Variants in MEF2D observed in about 807,000 individuals in gnomAD.
The protein encoded by MEF2D is myocyte-specific enhancer factor 2D.
Under a neutral mutation model 59.3 loss-of-function variants are expected in MEF2D, and 10 were observed. That is an observed-to-expected ratio of 0.17 (90% confidence interval 0.10 to 0.29). The LOEUF is 0.29. Among genes scored for constraint, MEF2D ranks in the 10% least tolerant of loss-of-function variants. The pLI is 1.00. For synonymous variants in MEF2D, 305 were observed against 295.0 expected, an observed-to-expected ratio of 1.03 and a Z score of -0.35; for missense variants, 508 against 699.4, an observed-to-expected ratio of 0.73 and a Z score of 3.09.
rs779245794 is a variant in MEF2D, at chr1:156,483,309, C to A, written c.-17G>T. On this transcript the variant is annotated 5_prime_UTR_variant, in exon 2 of 12. Transcript: ENST00000348159. ...CCTCCCCATCTTCTCCGGGGGTCCT[C>A]AGTGCTACGGAGGGGAGGGGCTCGC... The A allele has an allele frequency of 8.7e-6, 14 of 1,613,974 alleles. No individual in the cohort carries two copies. The South Asian group carries it at 1.5e-4, about 18-fold the overall frequency.
intron 1 of MEF2D, among the ~76,000 whole-genome samples, chr1:156,494,439 A>T (rs1236332316): frequency 6.6e-6 from 1 of 152,112 alleles, no homozygotes; most frequent in Non-Finnish European, 1.5e-5. Flanking sequence ...CGTGGGGCTA[A>T]GTGTGGAGGA....
chr1:156,471,769 A>G (rs1368129701), intron 9 of MEF2D, among the ~76,000 whole-genome samples: 1 of 152,256 alleles, frequency 6.6e-6, no homozygotes, highest in Non-Finnish European at 1.5e-5. Context: ...TAAACAGTGA[A>G]CAACTAAACA....
chr1:156,473,267 A>T (rs1367552096), intron 9 of MEF2D, among the ~76,000 whole-genome samples: 1 of 151,276 alleles, frequency 6.6e-6, no homozygotes, highest in African/African-American at 2.4e-5. Flanking sequence ...CTCCTGCCTC[A>T]GCCTCCCAAA....
intron 7 of MEF2D, among the ~76,000 whole-genome samples, 196 bp from the exon 8 acceptor site, chr1:156,476,710 A>G (rs1478897054): frequency 6.6e-6 from 1 of 152,162 alleles, no homozygotes; most frequent in Admixed American, 6.6e-5. Flanking sequence ...CAGTGAGGAA[A>G]TGCTCACCAT....
chr1:156,474,930 T>C (rs1671467447), intron 9 of MEF2D, among the ~76,000 whole-genome samples, 178 bp downstream of exon 9: 1 of 152,276 alleles, frequency 6.6e-6, no homozygotes, highest in African/African-American at 2.4e-5. Context: ...AAATTCAAAT[T>C]TAAAAGCATT....
chr1:156,484,588 A>C (rs563734547), intron 1 of MEF2D, among the ~76,000 whole-genome samples: 1 of 152,340 alleles, frequency 6.6e-6, no homozygotes, highest in Admixed American at 6.5e-5. Context: ...GAGAAAATAC[A>C]GGAACAAATG....
At chr1:156,477,610 TA>T (rs1468864214) in intron 6 of MEF2D, among the ~76,000 whole-genome samples, 1 of 152,154 alleles carries the variant, frequency 6.6e-6, no homozygotes, top group East Asian at 1.9e-4. Context: ...TCCCACAGTC[TA>T]CCCCGGACAG....
At chr1:156,482,716 T>TG in intron 2 of MEF2D, 76 bp from the exon 3 acceptor site, 1 of 1,373,070 alleles carries the variant, frequency 7.3e-7, no homozygotes, top group Non-Finnish European at 1.0e-6. Context: ...TACAGATGGC[T>TG]GGACATAGCC....
intron 1 of MEF2D, among the ~76,000 whole-genome samples, chr1:156,494,035 T>C (rs750450020): frequency 6.6e-6 from 1 of 152,020 alleles, no homozygotes; most frequent in African/African-American, 2.4e-5. Context: ...AAAGGGCCCA[T>C]AGGTTAAGGA....
chr1:156,496,133 T>C (rs1490005880), intron 1 of MEF2D, among the ~76,000 whole-genome samples: 1 of 152,144 alleles, frequency 6.6e-6, no homozygotes, highest in Non-Finnish European at 1.5e-5. Flanking sequence ...AAAGAGAGGC[T>C]TGTAGCCTCA....
intron 1 of MEF2D, among the ~76,000 whole-genome samples, chr1:156,494,514 C>A (rs1025584552): frequency 3.9e-5 from 6 of 152,092 alleles, no homozygotes; most frequent in Non-Finnish European, 5.9e-5. Context: ...CTTCCCAACC[C>A]ATCCCAGGGC....
In MEF2D at chr1:156,468,909, G is replaced by A. The variant is rs572054507; in HGVS notation, c.1118C>T (p.Pro373Leu). 52 of 1,613,152 alleles carry A rather than the reference G, an allele frequency of 3.2e-5. No individual in the cohort carries two copies. The highest frequency in any genetic ancestry group is 9.3e-5 in the African/African-American group (7 of 74,990). ...AWQQPQQPQQ[P>L]QQPQPPQQQP... The stretch of plus-strand genomic sequence containing the variant: ...CTGCTGTGGAGGCTGTGGCTGCTGC[G>A]GCTGCTGGGGCTGCTGTGGCTGTTG... Residue 373 changes from proline (P) to leucine (L), a missense_variant, in exon 10 of 12, where the codon CCG (proline) becomes CTG (leucine). This residue lies in a region of MEF2D where 481 missense variants were observed against 584.7 expected (regional missense o/e 0.82). Coordinates refer to ENST00000348159, the MANE Select transcript of MEF2D (RefSeq NM_005920.4). The surrounding 1 kb of genome is among the most constrained non-coding windows in gnomAD (Gnocchi z 4.3).
intron 9 of MEF2D, among the ~76,000 whole-genome samples, chr1:156,473,932 C>T (rs755869204): frequency 3.0e-4 from 46 of 152,286 alleles, no homozygotes; most frequent in Middle Eastern, 3.4e-3. Context: ...CAAACTGACC[C>T]TGACTGTGCT....
chr1:156,467,523 CA>C lies in MEF2D; in HGVS notation c.*121del, dbSNP rs1240940158. ...AATTATACACAAATGTAACCGTCAA[CA>C]GGACACGAAGCACAAGAAAGGAAGT... On this transcript the variant is annotated 3_prime_UTR_variant, in exon 12 of 12. Transcript: ENST00000348159. The C allele has an allele frequency of 2.3e-5, 13 of 568,970 alleles. No homozygotes were observed. The highest frequency in any genetic ancestry group is 3.8e-5 in the Non-Finnish European group (13 of 345,460). 35.2% of individuals were successfully genotyped at this position (568,970 alleles called of 1,614,324 possible). A position where few individuals can be genotyped will look rare whatever the true frequency, so the allele number is the denominator to read the frequency against.
chr1:156,479,703 C>T lies in MEF2D; in HGVS notation c.490G>A (p.Val164Ile). 1 of 1,551,678 alleles carries T rather than the reference C, an allele frequency of 6.4e-7. No individual in the cohort carries two copies. The highest frequency in any genetic ancestry group is 8.7e-7 in the Non-Finnish European group (1 of 1,147,002). ...GATGATGTCACCAGGGAAGGGGTGA[C>T]CAGGGAGCCGCTGGGATTGCTGAAC... Reference protein sequence around the residue: ...LQFSNPSGSLVTPSLVTSSLT... With the variant: ...LQFSNPSGSLITPSLVTSSLT... Residue 164 changes from valine (V) to isoleucine (I), a missense_variant, in exon 5 of 12, where the codon GTC (valine) becomes ATC (isoleucine). Physicochemically the swap from Val to Ile is conservative, Grantham distance 29. This residue lies in a region of MEF2D where 481 missense variants were observed against 584.7 expected (regional missense o/e 0.82). Transcript: ENST00000348159.
intron 1 of MEF2D, among the ~76,000 whole-genome samples, chr1:156,498,929 C>A (rs1673308627): frequency 6.6e-6 from 1 of 152,188 alleles, no homozygotes; most frequent in Admixed American, 6.5e-5. Context: ...CCAGGCAGGG[C>A]CGTGGGAGCT....
chr1:156,496,265 C>T (rs1673122835), intron 1 of MEF2D, among the ~76,000 whole-genome samples: 1 of 152,204 alleles, frequency 6.6e-6, no homozygotes, highest in Admixed American at 6.5e-5. Flanking sequence ...CCTTGCTCAT[C>T]AGGGTGAGCG....
chr1:156,494,116 A>G (rs1672986109), intron 1 of MEF2D, among the ~76,000 whole-genome samples: 1 of 152,070 alleles, frequency 6.6e-6, no homozygotes, highest in South Asian at 2.1e-4. Flanking sequence ...CCCAACCATC[A>G]TCCCTCACCA....
Position 156,465,695 on chromosome 1 carries a change from CACAT to C in MEF2D, c.*1946_*1949del, listed in dbSNP as rs933293270. 8.5e-5 allele frequency: 13 copies of C among 152,394 alleles called. No homozygotes were observed. The highest frequency in any genetic ancestry group is 3.9e-4 in the East Asian group (2 of 5,184). The allele number at this position is 152,394 out of a possible 1,614,324, so 9.4% of individuals were successfully genotyped here. On this transcript the variant is annotated 3_prime_UTR_variant, in exon 12 of 12. Coordinates refer to ENST00000348159, the MANE Select transcript of MEF2D (RefSeq NM_005920.4). ...GCAATCAGACATACACACACACACA[CACAT>C]AAATACAAAGCTACACTCAGACACA...
Sources: gnomAD v4.1 joint callset for allele counts (sites outside exome capture counted in the v4.1 genomes callset) on GRCh38, gnomAD v4.1.1 for gene constraint, gnomAD v4.1.1 regional missense constraint, Gnocchi (gnomAD v3.1) non-coding constraint, MANE v1.5 for transcripts, NCBI Gene and HGNC (gene_info 2026-07-23, HGNC 2026-07-21) for gene names.